TEAD1: variants seen among roughly 807,000 people sequenced by gnomAD.
TEAD1 encodes transcriptional enhancer factor TEF-1.
In TEAD1, 9 loss-of-function variants were observed where a neutral mutation model predicts 54.9. The ratio of observed to expected loss-of-function variants is 0.16; its 90% CI spans 0.10 to 0.29. TEAD1 has a LOEUF of 0.29. TEAD1 is among the 10% of genes least tolerant of loss of function. The probability of loss-of-function intolerance (pLI) is 1.00; values close to 1 mark genes in which losing one functional copy is unlikely to be tolerated. For missense variants in TEAD1, 387 were observed against 535.9 expected, an observed-to-expected ratio of 0.72 and a Z score of 2.74; for synonymous variants, 200 against 187.8, an observed-to-expected ratio of 1.07 and a Z score of -0.53.
intron 2 of TEAD1, among the ~76,000 whole-genome samples, chr11:12,705,795 TG>T (rs1032729479): frequency 1.3e-5 from 2 of 152,238 alleles, no homozygotes; most frequent in African/African-American, 4.8e-5. Flanking sequence ...ATTTGTAATG[TG>T]GATAATAATT....
chr11:12,706,455 C>A (rs764623585), intron 2 of TEAD1, among the ~76,000 whole-genome samples: 1 of 152,184 alleles, frequency 6.6e-6, no homozygotes, highest in Non-Finnish European at 1.5e-5. Flanking sequence ...GAAAGAGAAA[C>A]ATACTTCGTT....
chr11:12,803,047 C>T (rs896680412), intron 3 of TEAD1, among the ~76,000 whole-genome samples: 2 of 151,814 alleles, frequency 1.3e-5, no homozygotes, highest in Admixed American at 6.6e-5. Flanking sequence ...CAGCCCAACC[C>T]GGGCCCTGGA....
At chr11:12,819,580 C>G (rs1454854842) in intron 3 of TEAD1, among the ~76,000 whole-genome samples, 1 of 152,084 alleles carries the variant, frequency 6.6e-6, no homozygotes, top group African/African-American at 2.4e-5. Context: ...TCCCAAGTAG[C>G]TGGGACTACA....
chr11:12,881,119 C>T, intron 7 of TEAD1, 68 bp downstream of exon 7: 1 of 1,553,618 alleles, frequency 6.4e-7, no homozygotes, highest in East Asian at 2.2e-5. Context: ...GAGAGCTCTT[C>T]CTGGACCATA....
At chr11:12,751,771 G>C (rs1162234595) in intron 2 of TEAD1, among the ~76,000 whole-genome samples, 1 of 152,082 alleles carries the variant, frequency 6.6e-6, no homozygotes, top group Non-Finnish European at 1.5e-5. Context: ...ATAGAAGGTG[G>C]GAGAAAGAAT....
At chr11:12,800,955 G>A (rs1946047305) in intron 3 of TEAD1, among the ~76,000 whole-genome samples, 1 of 152,302 alleles carries the variant, frequency 6.6e-6, no homozygotes, top group South Asian at 2.1e-4. Context: ...CAGAATTGGT[G>A]GTTTAAAAAT....
At chr11:12,881,102 A>T (rs1483331342) in intron 7 of TEAD1, 51 bp downstream of exon 7, 1 of 1,583,252 alleles carries the variant, frequency 6.3e-7, no homozygotes, top group Non-Finnish European at 8.7e-7. Flanking sequence ...GTCCCAGCCC[A>T]CGTGGGGAGA....
intron 2 of TEAD1, among the ~76,000 whole-genome samples, chr11:12,720,097 CATT>C (rs1397176448): frequency 6.7e-6 from 1 of 149,788 alleles, no homozygotes; most frequent in Non-Finnish European, 1.5e-5. Flanking sequence ...GGGCATCTCT[CATT>C]ATATAATGTT....
rs568381424 is a variant in TEAD1 at position 12,704,594 on chromosome 11, C to A, written c.-55+29033C>A. ...AGAAAACCAAGCCTTCCTTTTATTC[C>A]CTTAGTCCTCCATACTGCTGCTCTG... is the stretch of plus-strand genomic sequence containing the variant. On this transcript the variant is annotated intron_variant, in intron 2 of 12. Transcript: ENST00000527636. Among the ~76,000 whole-genome samples, 8 of 152,312 alleles carry A rather than the reference C, an allele frequency of 5.3e-5. No individual in the cohort carries two copies. The South Asian group carries it at 1.5e-3, about 28-fold the overall frequency.
At chr11:12,822,972 T>C (rs753453839) in intron 3 of TEAD1, among the ~76,000 whole-genome samples, 2 of 152,230 alleles carry the variant, frequency 1.3e-5, no homozygotes, top group Non-Finnish European at 2.9e-5. Flanking sequence ...AATTTATAAT[T>C]TTTACATCTC....
intron 2 of TEAD1, among the ~76,000 whole-genome samples, chr11:12,746,575 A>G (rs774375931): frequency 8.4e-4 from 128 of 152,348 alleles, no homozygotes; most frequent in Non-Finnish European, 1.4e-3. Context: ...TATTGAGTGT[A>G]GTTATGAATT....
At chr11:12,876,444 G>A (rs1947855978) in intron 5 of TEAD1, among the ~76,000 whole-genome samples, 1 of 152,126 alleles carries the variant, frequency 6.6e-6, no homozygotes, top group Non-Finnish European at 1.5e-5. Context: ...ATTTGGGCAA[G>A]CAGAAGTGCC....
chr11:12,786,030 C>G (rs575407953), intron 3 of TEAD1, among the ~76,000 whole-genome samples: 1 of 152,304 alleles, frequency 6.6e-6, no homozygotes, highest in Admixed American at 6.5e-5. Flanking sequence ...ATGCAATCTT[C>G]TGCCTTGGAG....
At chr11:12,727,840 G>T (rs1199678714) in intron 2 of TEAD1, among the ~76,000 whole-genome samples, 2 of 151,946 alleles carry the variant, frequency 1.3e-5, no homozygotes, top group Non-Finnish European at 2.9e-5. Flanking sequence ...GGCTTTCATA[G>T]TCCTTGTTCC....
chr11:12,838,620 G>A (rs1046571842), intron 3 of TEAD1, among the ~76,000 whole-genome samples: 1 of 152,216 alleles, frequency 6.6e-6, no homozygotes, highest in African/African-American at 2.4e-5. Flanking sequence ...TTTAAAATGA[G>A]CACTGCTTCA....
chr11:12,879,969 G>C (rs1409254489), intron 6 of TEAD1, 127 bp downstream of exon 6: 8 of 1,394,212 alleles, frequency 5.7e-6, no homozygotes, highest in Non-Finnish European at 7.9e-6. Context: ...AGGCTACCTT[G>C]TCAACTGATA....
rs570970101 is a variant in TEAD1 at position 12,878,496 on chromosome 11, A to G, written c.331-1212A>G. 1.1e-4 allele frequency among the ~76,000 whole-genome samples: 16 copies of G among 152,148 alleles called. No individual in the cohort carries two copies. In the South Asian group the frequency reaches 1.7e-3, roughly 16 times the overall value. On this transcript the variant is annotated intron_variant, in intron 5 of 12. Transcript: ENST00000527636. ...TTTGGGCCTGGAATATAGACCCTCT[A>G]TTGGCACCGGTAGCCTTTATATGCC... is the stretch of plus-strand genomic sequence containing the variant.
At chr11:12,733,279 G>C (rs1410727556) in intron 2 of TEAD1, among the ~76,000 whole-genome samples, 3 of 152,190 alleles carry the variant, frequency 2.0e-5, no homozygotes, top group Non-Finnish European at 4.4e-5. Flanking sequence ...GAACTTTGCA[G>C]CATTTCCTAA....
chr11:12,736,194 G>A (rs1944527032), intron 2 of TEAD1, among the ~76,000 whole-genome samples: 1 of 152,114 alleles, frequency 6.6e-6, no homozygotes, highest in East Asian at 1.9e-4. Flanking sequence ...TTCCAAATGG[G>A]TCCTTTTCTC....
Sources: gnomAD v4.1 joint callset for allele counts (sites outside exome capture counted in the v4.1 genomes callset) on GRCh38, gnomAD v4.1.1 for gene constraint, MANE v1.5 for transcripts, NCBI Gene and HGNC (gene_info 2026-07-23, HGNC 2026-07-21) for gene names.